DACH1: variants seen among roughly 807,000 people sequenced by gnomAD.
DACH1 encodes the protein dachshund family transcription factor 1, also known as dachshund homolog 1.
In DACH1, 12 loss-of-function variants were observed where a neutral mutation model predicts 54.2. The observed-to-expected ratio is 0.22, with a 90% CI of 0.14 to 0.36. DACH1 has a LOEUF of 0.36. Among genes scored for constraint, DACH1 ranks in the 10% least tolerant of loss-of-function variants. The pLI, the probability that DACH1 is intolerant of heterozygous loss-of-function variation, is 1.00. For synonymous variants in DACH1, 386 were observed against 366.2 expected (o/e 1.05, Z -0.62); for missense variants, 805 against 929.8 (o/e 0.87, Z 1.75).
intron 5 of DACH1, among the ~76,000 whole-genome samples, chr13:71,558,129 G>A (rs926432549): frequency 6.6e-6 from 1 of 151,842 alleles, no homozygotes; most frequent in East Asian, 1.9e-4. Context: ...GAAGATAAAC[G>A]ATGATGAATT....
At chr13:71,698,054 C>A (rs757468448) in intron 1 of DACH1, among the ~76,000 whole-genome samples, 24 of 151,950 alleles carry the variant, frequency 1.6e-4, no homozygotes, top group South Asian at 1.0e-3. Context: ...TGAAATAAAG[C>A]GACAAAGAAG....
intron 7 of DACH1, among the ~76,000 whole-genome samples, chr13:71,483,439 A>G (rs910449851): frequency 6.8e-6 from 1 of 147,070 alleles, no homozygotes; most frequent in Admixed American, 6.8e-5. Flanking sequence ...ATATTTATAT[A>G]AAAATTAATA....
intron 1 of DACH1, among the ~76,000 whole-genome samples, chr13:71,692,463 TTA>T (rs1163244103): frequency 6.6e-6 from 1 of 151,138 alleles, no homozygotes; most frequent in Non-Finnish European, 1.5e-5. Flanking sequence ...TTTGCCTGTG[TTA>T]TTTCTTTCTT....
intron 3 of DACH1, among the ~76,000 whole-genome samples, chr13:71,592,940 G>A (rs899757243): frequency 7.2e-5 from 11 of 152,072 alleles, no homozygotes; most frequent in African/African-American, 2.4e-4. Context: ...TTATATAATG[G>A]TTTCAATTTT....
rs1566468352 is a variant in DACH1, at chr13:71,735,565, T to TGTATATGGGATATAC, written c.849-53670_849-53656dup. Among the ~76,000 whole-genome samples the TGTATATGGGATATAC allele has an allele frequency of 2.8e-3, 49 of 17,680 alleles. 8 individuals are homozygous for TGTATATGGGATATAC. The highest frequency in any genetic ancestry group is 0.019 in the East Asian group (17 of 918). The allele number at this position is 17,680 out of a possible 152,430, so 11.6% of individuals were successfully genotyped here. A position where few individuals can be genotyped will look rare whatever the true frequency, so the allele number is the denominator to read the frequency against. Reference sequence around the variant, plus strand: ...GATATACGTGTATATGGGATATACGTGTATATGGGATATACGTGTATATGG... The same window carrying TGTATATGGGATATAC: ...GATATACGTGTATATGGGATATACGTGTATATGGGATATACGTATATGGGATATACGTGTATATGG... On this transcript the variant is annotated intron_variant, in intron 1 of 10. Coordinates refer to ENST00000613252, the MANE Select transcript of DACH1 (RefSeq NM_080759.6).
intron 1 of DACH1, among the ~76,000 whole-genome samples, chr13:71,859,586 A>G (rs1384010972): frequency 6.6e-6 from 1 of 151,906 alleles, no homozygotes; most frequent in Non-Finnish European, 1.5e-5. Flanking sequence ...GCTAATCATT[A>G]GCTGCCTAAA....
At chr13:71,537,860 A>G (rs1470899594) in intron 6 of DACH1, among the ~76,000 whole-genome samples, 1 of 152,160 alleles carries the variant, frequency 6.6e-6, no homozygotes, top group African/African-American at 2.4e-5. Flanking sequence ...TTTACTAGAC[A>G]AACATAAAAA....
chr13:71,556,394 T>A (rs1189088331), intron 6 of DACH1, among the ~76,000 whole-genome samples: 36 of 152,140 alleles, frequency 2.4e-4, no homozygotes, highest in Admixed American at 2.4e-3. Context: ...CGTATTTGCA[T>A]CTCCAAGAAT....
At chr13:71,463,243 T>G (rs1430368034) in intron 10 of DACH1, among the ~76,000 whole-genome samples, 2 of 152,018 alleles carry the variant, frequency 1.3e-5, no homozygotes, top group Admixed American at 6.6e-5. Flanking sequence ...TTATTAATTA[T>G]CCCTGTAAAC....
chr13:71,821,524 T>C (rs937453461), intron 1 of DACH1, among the ~76,000 whole-genome samples: 17 of 152,172 alleles, frequency 1.1e-4, no homozygotes, highest in African/African-American at 3.9e-4. Context: ...GCAACATCTG[T>C]TTTCTTCAAA....
Position 71,694,830 on chromosome 13 carries a change from A to G in DACH1, c.849-12920T>C, listed in dbSNP as rs372239025. 1.7e-3 allele frequency among the ~76,000 whole-genome samples: 257 copies of G among 152,352 alleles called. 10 individuals carry two copies. The South Asian group carries it at 0.051, about 30-fold the overall frequency. ...TTGTTTAAACTGGCTAAAGCATAAT[A>G]GCTCACATTTAGAAATTACATAATG... On this transcript the variant is annotated intron_variant, in intron 1 of 10. Transcript: ENST00000613252.
At chr13:71,573,128 T>C in intron 3 of DACH1, 116 bp from the exon 4 acceptor site, 1 of 1,062,510 alleles carries the variant, frequency 9.4e-7, no homozygotes, top group Non-Finnish European at 1.3e-6. Flanking sequence ...TTCCTCTTCA[T>C]ATGCAAAAAT....
chr13:71,803,523 C>T (rs929188644), intron 1 of DACH1, among the ~76,000 whole-genome samples: 1 of 152,092 alleles, frequency 6.6e-6, no homozygotes, highest in African/African-American at 2.4e-5. Context: ...ATTTCTCAAG[C>T]TTAACAATTG....
chr13:71,672,971 A>G (rs1464157863), intron 2 of DACH1, among the ~76,000 whole-genome samples: 1 of 152,212 alleles, frequency 6.6e-6, no homozygotes, highest in Non-Finnish European at 1.5e-5. Context: ...ACTAAAAGGA[A>G]GCAAATAATA....
At chr13:71,706,355 T>A (rs1882445295) in intron 1 of DACH1, among the ~76,000 whole-genome samples, 1 of 152,040 alleles carries the variant, frequency 6.6e-6, no homozygotes, top group African/African-American at 2.4e-5. Context: ...TATTTATATT[T>A]TTTACAGTGA....
intron 6 of DACH1, among the ~76,000 whole-genome samples, chr13:71,532,036 ACT>A (rs909123230): frequency 1.5e-4 from 22 of 151,708 alleles, no homozygotes; most frequent in Non-Finnish European, 2.4e-4. Context: ...TACAATGTTC[ACT>A]CTCTCTTTCA....
chr13:71,671,396 T>G (rs1315878489), intron 2 of DACH1, among the ~76,000 whole-genome samples: 5 of 151,970 alleles, frequency 3.3e-5, no homozygotes, highest in Admixed American at 1.3e-4. Flanking sequence ...TGCTTAAGAA[T>G]ATAAAGCATG....
intron 1 of DACH1, among the ~76,000 whole-genome samples, chr13:71,743,894 C>A (rs1257077803): frequency 6.6e-6 from 1 of 151,944 alleles, no homozygotes; most frequent in African/African-American, 2.4e-5. Flanking sequence ...TGTTGAAAGT[C>A]GACTGATTTA....
intron 1 of DACH1, among the ~76,000 whole-genome samples, chr13:71,709,043 C>T (rs1172487805): frequency 1.3e-5 from 2 of 151,522 alleles, no homozygotes; most frequent in East Asian, 1.9e-4. Flanking sequence ...TTAGTAGAGA[C>T]GGGGTTTCAC....
Sources: gnomAD v4.1 joint callset for allele counts (sites outside exome capture counted in the v4.1 genomes callset) on GRCh38, gnomAD v4.1.1 for gene constraint, MANE v1.5 for transcripts, NCBI Gene and HGNC (gene_info 2026-07-23, HGNC 2026-07-21) for gene names.